The following ERBB4 variants were observed in gnomAD, a reference collection of about 807,000 sequenced individuals.
The protein encoded by ERBB4 is receptor tyrosine-protein kinase erbB-4.
ERBB4 carries 42 observed loss-of-function variants against 158.0 expected under a neutral mutation model. That is an observed-to-expected ratio of 0.27 (90% CI 0.21 to 0.34). The LOEUF (loss-of-function observed/expected upper bound fraction) is 0.34. ERBB4 is among the 10% of genes least tolerant of loss of function. The pLI is 1.00. For synonymous variants in ERBB4, 583 were observed against 558.7 expected (o/e 1.04, Z -0.61); for missense variants, 1,333 against 1,624.1 (o/e 0.82, Z 3.08).
intron 19 of ERBB4, among the ~76,000 whole-genome samples, chr2:211,591,921 T>C (rs1227812193): frequency 6.6e-6 from 1 of 152,198 alleles, no homozygotes; most frequent in East Asian, 1.9e-4. Context: ...GGTTGTGTTG[T>C]TGTACCTGAG....
At chr2:211,473,857 T>G (rs958743596) in intron 20 of ERBB4, among the ~76,000 whole-genome samples, 1 of 152,086 alleles carries the variant, frequency 6.6e-6, no homozygotes, top group African/African-American at 2.4e-5. Flanking sequence ...GGTATATAAA[T>G]ACCAAATTGA....
chr2:211,716,632 C>A (rs949625952), intron 7 of ERBB4, among the ~76,000 whole-genome samples: 2 of 151,708 alleles, frequency 1.3e-5, no homozygotes, highest in Non-Finnish European at 2.9e-5. Context: ...GCCGAGATTG[C>A]GCCACTGCAT....
chr2:212,154,999 A>C (rs909587214), intron 1 of ERBB4, among the ~76,000 whole-genome samples: 2 of 152,172 alleles, frequency 1.3e-5, no homozygotes, highest in African/African-American at 2.4e-5. Context: ...AGAGATTTTA[A>C]GCAAAGTTAA....
chr2:211,600,305 G>A (rs2068761885), intron 19 of ERBB4, among the ~76,000 whole-genome samples: 1 of 152,040 alleles, frequency 6.6e-6, no homozygotes, highest in Non-Finnish European at 1.5e-5. Context: ...AGGTTTTAAG[G>A]TCGTAAAAAG....
chr2:212,526,762 T>C (rs903993260), intron 1 of ERBB4, among the ~76,000 whole-genome samples: 9 of 152,116 alleles, frequency 5.9e-5, no homozygotes, highest in African/African-American at 2.2e-4. Flanking sequence ...TAAAATTTTT[T>C]AAATGACATT....
At chr2:212,107,586 G>A (rs1206249202) in intron 2 of ERBB4, among the ~76,000 whole-genome samples, 1 of 152,178 alleles carries the variant, frequency 6.6e-6, no homozygotes, top group Non-Finnish European at 1.5e-5. Context: ...TTGGGAGACT[G>A]TTGGGAAGGC....
intron 3 of ERBB4, among the ~76,000 whole-genome samples, chr2:211,883,095 T>C (rs1048505337): frequency 1.3e-5 from 2 of 152,150 alleles, no homozygotes; most frequent in Admixed American, 1.3e-4. Flanking sequence ...GGCACATATA[T>C]ACCATGGAAT....
intron 1 of ERBB4, among the ~76,000 whole-genome samples, chr2:212,434,234 T>C (rs1264023647): frequency 6.6e-6 from 1 of 151,960 alleles, no homozygotes; most frequent in Non-Finnish European, 1.5e-5. Flanking sequence ...ATATAGTAAA[T>C]TCTGAAATCC....
chr2:211,989,940 C>T (rs541599595), intron 2 of ERBB4, among the ~76,000 whole-genome samples: 1 of 151,914 alleles, frequency 6.6e-6, no homozygotes, highest in African/African-American at 2.4e-5. Flanking sequence ...CATCCCTTAG[C>T]TTGCATTCAC....
chr2:211,962,773 G>A (rs2081213113), intron 2 of ERBB4, among the ~76,000 whole-genome samples: 1 of 151,996 alleles, frequency 6.6e-6, no homozygotes, highest in Admixed American at 6.6e-5. Flanking sequence ...ACTGGATGTG[G>A]GAATTGAGGA....
intron 20 of ERBB4, among the ~76,000 whole-genome samples, chr2:211,436,226 T>TCCTGTGAAC (rs1185835894): frequency 4.5e-4 from 69 of 152,354 alleles, no homozygotes; most frequent in African/African-American, 1.3e-3. Context: ...ATTGACATTT[T>TCCTGTGAAC]TTAATTTATA....
chr2:212,097,803 T>C lies in ERBB4; in HGVS notation c.234+26949A>G, dbSNP rs533630519. On this transcript the variant is annotated intron_variant, in intron 2 of 27. Coordinates refer to ENST00000342788, the MANE Select transcript of ERBB4 (RefSeq NM_005235.3). ...ACTAGAAGATGTCCACTGGGTTTAA[T>C]ACAGAATATCATTAGTAACCTTGTT... 2.0e-5 allele frequency among the ~76,000 whole-genome samples: 3 copies of C among 152,278 alleles called. No homozygotes were observed. In the East Asian group the frequency reaches 5.8e-4, roughly 29 times the overall value.
chr2:211,484,516 A>G (rs1379386831), intron 20 of ERBB4, among the ~76,000 whole-genome samples: 1 of 152,212 alleles, frequency 6.6e-6, no homozygotes. Flanking sequence ...GATGGAAAAA[A>G]TTATAACGTG....
In ERBB4 at chr2:211,630,527, C is replaced by G. The variant is rs1326320494; in HGVS notation, c.2014G>C (p.Ala672Pro). The G allele has an allele frequency of 2.5e-6, 4 of 1,613,126 alleles. No homozygotes were observed. The East Asian group carries it at 8.9e-5, about 36-fold the overall frequency. ...ATGCTCTTCCTTCTAACATAAACAG[C>G]AAATGTCAGACCCACAATGACCAGA... The part of the protein sequence containing the change: ...FILVIVGLTF[A>P]VYVRRKSIKK... The change falls in exon 17 of 28, where the codon GCT becomes CCT. Residue 672 changes from alanine (A) to proline (P), a missense_variant. Transcript: ENST00000342788.
intron 5 of ERBB4, among the ~76,000 whole-genome samples, chr2:211,739,932 A>G (rs997578227): frequency 6.6e-6 from 1 of 152,206 alleles, no homozygotes; most frequent in African/African-American, 2.4e-5. Flanking sequence ...CTATTCATTT[A>G]ATTTTGTGGT....
intron 4 of ERBB4, 64 bp from the exon 5 acceptor site, chr2:211,750,768 T>TG: frequency 2.2e-6 from 3 of 1,365,732 alleles, no homozygotes; most frequent in Non-Finnish European, 3.1e-6. Flanking sequence ...TGACTAGGAG[T>TG]AACTCCTCAA....
chr2:211,716,586 G>C (rs2073918256), intron 7 of ERBB4, among the ~76,000 whole-genome samples: 2 of 151,902 alleles, frequency 1.3e-5, no homozygotes, highest in Admixed American at 6.6e-5. Flanking sequence ...TGAGGCAGGA[G>C]AATGGCGTGA....
chr2:212,220,823 T>C lies in ERBB4; in HGVS notation c.83-95920A>G, dbSNP rs531022191. 6.6e-5 allele frequency among the ~76,000 whole-genome samples: 10 copies of C among 151,610 alleles called. No individual in the cohort carries two copies. The South Asian group carries it at 1.9e-3, about 28-fold the overall frequency. On this transcript the variant is annotated intron_variant, in intron 1 of 27. Transcript: ENST00000342788. ...ATTGTTCCATGTACCTCTGTACTTA[T>C]CCTGTTGTTAATGTGTGATTGATGA...
intron 20 of ERBB4, among the ~76,000 whole-genome samples, chr2:211,537,705 T>C (rs1162624481): frequency 1.3e-5 from 2 of 151,944 alleles, no homozygotes; most frequent in Middle Eastern, 3.2e-3. Flanking sequence ...AAAAATATTT[T>C]AGTAAGTTTT....
Sources: gnomAD v4.1 joint callset for allele counts (sites outside exome capture counted in the v4.1 genomes callset) on GRCh38, gnomAD v4.1.1 for gene constraint, MANE v1.5 for transcripts, NCBI Gene and HGNC (gene_info 2026-07-23, HGNC 2026-07-21) for gene names.